The following PDE3B variants were observed in gnomAD, a reference collection of about 807,000 sequenced individuals.
PDE3B encodes cGMP-inhibited 3',5'-cyclic phosphodiesterase 3B.
Under a neutral mutation model 116.8 loss-of-function variants are expected in PDE3B, and 66 were observed. That is an observed-to-expected ratio of 0.56 (90% CI 0.46 to 0.69). The LOEUF (loss-of-function observed/expected upper bound fraction) is 0.69, where lower values mean the gene tolerates loss of function less well. Among genes scored for constraint, PDE3B ranks in the 30% least tolerant of loss-of-function variants. PDE3B has a pLI of 0.00. For missense variants in PDE3B, 1,384 were observed against 1,368.1 expected, an observed-to-expected ratio of 1.01 and a Z score of -0.18; for synonymous variants, 595 against 533.6, an observed-to-expected ratio of 1.12 and a Z score of -1.59.
chr11:14,821,787 T>TGTAAGA (rs1324928269), intron 7 of PDE3B, among the ~76,000 whole-genome samples: 2 of 152,208 alleles, frequency 1.3e-5, no homozygotes, highest in African/African-American at 4.8e-5. Context: ...TATAACATCT[T>TGTAAGA]GTAAGATGGG....
chr11:14,781,628 T>C (rs1590139263), intron 2 of PDE3B, among the ~76,000 whole-genome samples: 1 of 152,292 alleles, frequency 6.6e-6, no homozygotes, highest in Non-Finnish European at 1.5e-5. Context: ...TGCTAAAAAC[T>C]CTCAATAAAT....
chr11:14,644,227 T>G lies in PDE3B; in HGVS notation c.152T>G (p.Leu51Arg). The G allele has an allele frequency of 1.9e-6, 3 of 1,586,492 alleles. No homozygotes were observed. The highest frequency in any genetic ancestry group is 1.4e-5 in the African/African-American group (1 of 73,570). The change falls in exon 1 of 16, where the codon CTC becomes CGC. Residue 51 changes from leucine to arginine, a missense_variant. Physicochemically the swap from Leu to Arg is moderately radical, Grantham distance 102. Transcript: ENST00000282096. ...QDPPRGFFFH[L>R]CRFCNVELRP... is the part of the protein sequence containing the mutation. ...CCTCCGCGCGGCTTCTTCTTCCACCTCTGCCGCTTCTGCAACGTGGAGCTG... is the reference window on the plus strand; with the variant it reads ...CCTCCGCGCGGCTTCTTCTTCCACCGCTGCCGCTTCTGCAACGTGGAGCTG...
At chr11:14,838,201 G>A (rs1018812429) in intron 11 of PDE3B, among the ~76,000 whole-genome samples, 11 of 151,842 alleles carry the variant, frequency 7.2e-5, no homozygotes, top group African/African-American at 2.2e-4. Flanking sequence ...GGATGGTCTC[G>A]ATCTCCCGAC....
In PDE3B at chr11:14,785,552, A is replaced by G. The variant is rs1858162354; in HGVS notation, c.1030-885A>G. Among the ~76,000 whole-genome samples the G allele has an allele frequency of 3.3e-5, 5 of 152,074 alleles. No individual in the cohort carries two copies. In the South Asian group the frequency reaches 1.0e-3, roughly 32 times the overall value. ...TACCCAAATGTAAGTTCAAGGTACA[A>G]CAACAACAACAAAAAACAAAAGTAA... is the stretch of plus-strand genomic sequence containing the variant. On this transcript the variant is annotated intron_variant, in intron 2 of 15. Coordinates refer to ENST00000282096, the MANE Select transcript of PDE3B (RefSeq NM_000922.4).
At chr11:14,703,636 A>T (rs1855440578) in intron 1 of PDE3B, among the ~76,000 whole-genome samples, 1 of 151,584 alleles carries the variant, frequency 6.6e-6, no homozygotes. Context: ...TTTGGTTTTG[A>T]TGTCCAGGTA....
At chr11:14,807,814 A>C in intron 5 of PDE3B, among the ~76,000 whole-genome samples, 1 of 152,168 alleles carries the variant, frequency 6.6e-6, no homozygotes, top group East Asian at 1.9e-4. Context: ...TGGGAGGCTC[A>C]GGTGGGTGGA....
At chr11:14,806,161 T>C (rs1858913089) in intron 5 of PDE3B, among the ~76,000 whole-genome samples, 1 of 151,990 alleles carries the variant, frequency 6.6e-6, no homozygotes, top group Non-Finnish European at 1.5e-5. Flanking sequence ...CAAAGGATTG[T>C]AAATCATGTG....
intron 1 of PDE3B, among the ~76,000 whole-genome samples, chr11:14,671,448 TG>T (rs1854365042): frequency 6.6e-6 from 1 of 152,142 alleles, no homozygotes; most frequent in Non-Finnish European, 1.5e-5. Context: ...TAGAGAGTGG[TG>T]GGAGTGGTAA....
intron 1 of PDE3B, among the ~76,000 whole-genome samples, chr11:14,667,582 G>T (rs1403384670): frequency 6.6e-6 from 1 of 151,022 alleles, no homozygotes; most frequent in Admixed American, 6.6e-5. Context: ...GCAAACTGTC[G>T]CAAGGACAAA....
intron 1 of PDE3B, chr11:14,674,651 T>C (rs1854477181): frequency 6.9e-6 from 2 of 291,700 alleles, no homozygotes; most frequent in Non-Finnish European, 1.3e-5. Context: ...AAGTTGCTGT[T>C]ATTTGAACTA....
intron 1 of PDE3B, among the ~76,000 whole-genome samples, chr11:14,705,595 TAATC>T (rs1487375183): frequency 1.3e-5 from 2 of 151,866 alleles, no homozygotes; most frequent in African/African-American, 2.4e-5. Flanking sequence ...TTGTTAAAAA[TAATC>T]AAACTGCACA....
intron 12 of PDE3B, among the ~76,000 whole-genome samples, chr11:14,851,500 G>A (rs1158072519): frequency 8.2e-6 from 1 of 121,290 alleles, no homozygotes; most frequent in Non-Finnish European, 1.7e-5. Flanking sequence ...GTGTAAATGG[G>A]TATAATGGGG....
At chr11:14,846,199 A>G (rs1847598034) in intron 12 of PDE3B, among the ~76,000 whole-genome samples, 1 of 152,212 alleles carries the variant, frequency 6.6e-6, no homozygotes, top group African/African-American at 2.4e-5. Context: ...ATTCTTAAAG[A>G]AAAGAATTTT....
At chr11:14,846,891 G>T (rs1029603560) in intron 12 of PDE3B, among the ~76,000 whole-genome samples, 1 of 152,010 alleles carries the variant, frequency 6.6e-6, no homozygotes. Flanking sequence ...AATAATAATG[G>T]GGGACTTTAA....
At chr11:14,702,959 C>G (rs1346406386) in intron 1 of PDE3B, among the ~76,000 whole-genome samples, 1 of 151,876 alleles carries the variant, frequency 6.6e-6, no homozygotes, top group South Asian at 2.1e-4. Context: ...ATTTCTGCTA[C>G]CTTACTCATT....
chr11:14,758,532 T>A (rs1167696445), intron 1 of PDE3B, among the ~76,000 whole-genome samples: 9 of 149,190 alleles, frequency 6.0e-5, no homozygotes, highest in African/African-American at 2.3e-4. Flanking sequence ...CCCTTGTAAG[T>A]TGGATTCCTA....
Position 14,834,991 on chromosome 11 carries a change from G to A in PDE3B, c.2216G>A (p.Arg739His), listed in dbSNP as rs1449116532. ...GTTTTGGTGACTTTAGATCACAATCGTATACATGCCACAGATGTGCTACAT... is the reference window on the plus strand; with the variant it reads ...GTTTTGGTGACTTTAGATCACAATCATATACATGCCACAGATGTGCTACAT... ...NGYRDIPYHN[R>H]IHATDVLHAV... is the part of the protein sequence containing the mutation. The change falls in exon 11 of 16, where the codon CGT becomes CAT. Residue 739 changes from arginine (R) to histidine (H), a missense_variant. Transcript: ENST00000282096. 1.1e-5 allele frequency: 17 copies of A among 1,606,152 alleles called. No individual in the cohort carries two copies. Among genetic ancestry groups the A allele is most frequent in the Admixed American group, 5.1e-5 (3 of 59,106 alleles).
chr11:14,800,293 C>T (rs1394996911), intron 4 of PDE3B, among the ~76,000 whole-genome samples: 4 of 152,106 alleles, frequency 2.6e-5, no homozygotes, highest in South Asian at 2.1e-4. Flanking sequence ...GGTGAAACCC[C>T]GTCTCTAATA....
intron 1 of PDE3B, among the ~76,000 whole-genome samples, chr11:14,647,926 GTTTTT>G (rs34959387): frequency 1.5e-5 from 2 of 136,460 alleles, no homozygotes; most frequent in African/African-American, 2.7e-5. Flanking sequence ...CTTAACTAAG[GTTTTT>G]TTTTTTTTTT....
Sources: gnomAD v4.1 joint callset for allele counts (sites outside exome capture counted in the v4.1 genomes callset) on GRCh38, gnomAD v4.1.1 for gene constraint, MANE v1.5 for transcripts, NCBI Gene and HGNC (gene_info 2026-07-23, HGNC 2026-07-21) for gene names.